STT3B: variants seen among roughly 807,000 people sequenced by gnomAD.
The protein encoded by STT3B is STT3 oligosaccharyltransferase complex catalytic subunit B, also known as dolichyl-diphosphooligosaccharide--protein glycosyltransferase subunit STT3B.
STT3B carries 29 observed loss-of-function variants against 96.8 expected under a neutral mutation model. That is an observed-to-expected ratio of 0.30 (90% CI 0.22 to 0.41). STT3B has a LOEUF of 0.41. Among genes scored for constraint, STT3B ranks in the 10% least tolerant of loss-of-function variants. The pLI is 1.00. For synonymous variants in STT3B, 367 were observed against 360.0 expected, an observed-to-expected ratio of 1.02 and a Z score of -0.22; for missense variants, 640 against 1,022.3, an observed-to-expected ratio of 0.63 and a Z score of 5.10.
chr3:31,562,312 G>A (rs1697899690), intron 1 of STT3B, among the ~76,000 whole-genome samples: 1 of 152,192 alleles, frequency 6.6e-6, no homozygotes, highest in Non-Finnish European at 1.5e-5. Context: ...ACCTGCAGGT[G>A]ATGCATGAGT....
At chr3:31,559,855 A>G (rs994322250) in intron 1 of STT3B, among the ~76,000 whole-genome samples, 3 of 152,032 alleles carry the variant, frequency 2.0e-5, no homozygotes, top group Non-Finnish European at 4.4e-5. Context: ...TTTGCTTTAT[A>G]TATCTGGGTG....
chr3:31,600,357 T>C lies in STT3B; in HGVS notation c.778-3T>C, dbSNP rs200307794. 2.9e-5 allele frequency: 41 copies of C among 1,430,756 alleles called. No homozygotes were observed. The highest frequency in any genetic ancestry group is 2.0e-4 in the Middle Eastern group (1 of 5,006). 88.6% of individuals were successfully genotyped at this position (1,430,756 alleles called of 1,614,324 possible). On this transcript the variant is annotated splice_polypyrimidine_tract_variant and splice_region_variant and intron_variant, in intron 4 of 15. Coordinates refer to ENST00000295770, the MANE Select transcript of STT3B (RefSeq NM_178862.3). ...ATTTAACTTAGCACTTCTTTTCCTA[T>C]AGGTCTCTGCTTGGGGTGGTTATGT...
chr3:31,546,938 GT>G (rs986413343), intron 1 of STT3B, among the ~76,000 whole-genome samples: 2 of 152,146 alleles, frequency 1.3e-5, no homozygotes, highest in Non-Finnish European at 2.9e-5. Flanking sequence ...TGACATTTTT[GT>G]TACAAAGAAT....
At chr3:31,534,292 C>A (rs1697028539) in intron 1 of STT3B, among the ~76,000 whole-genome samples, 1 of 152,192 alleles carries the variant, frequency 6.6e-6, no homozygotes. Context: ...AATTACCCCA[C>A]TCTTAACAAC....
intron 1 of STT3B, among the ~76,000 whole-genome samples, chr3:31,545,171 G>T (rs115923091): frequency 0.025 from 3,764 of 152,272 alleles, 63 homozygotes; most frequent in Non-Finnish European, 0.037. Flanking sequence ...CATAAGTCAT[G>T]AGTTTGAGGA....
intron 4 of STT3B, among the ~76,000 whole-genome samples, chr3:31,599,431 A>G (rs936856277): frequency 6.6e-5 from 10 of 152,232 alleles, no homozygotes; most frequent in African/African-American, 1.2e-4. Context: ...CTCCATTAGA[A>G]TAACATTGTT....
At chr3:31,548,533 T>G (rs1697471661) in intron 1 of STT3B, among the ~76,000 whole-genome samples, 2 of 152,174 alleles carry the variant, frequency 1.3e-5, no homozygotes, top group South Asian at 4.1e-4. Context: ...GTTTAATGCA[T>G]GTTATTATTT....
At chr3:31,570,996 T>A (rs1299071676) in intron 1 of STT3B, among the ~76,000 whole-genome samples, 1 of 152,122 alleles carries the variant, frequency 6.6e-6, no homozygotes, top group Non-Finnish European at 1.5e-5. Context: ...TTGCTGTAAC[T>A]GGGCAGTCCA....
At chr3:31,552,899 C>G (rs1021889601) in intron 1 of STT3B, among the ~76,000 whole-genome samples, 1 of 151,836 alleles carries the variant, frequency 6.6e-6, no homozygotes, top group Non-Finnish European at 1.5e-5. Context: ...GTCAGGAGAT[C>G]GAGACCATCC....
intron 1 of STT3B, among the ~76,000 whole-genome samples, chr3:31,542,792 T>A (rs186334427): frequency 4.6e-5 from 7 of 152,118 alleles, no homozygotes; most frequent in Admixed American, 2.0e-4. Flanking sequence ...CCAGGCTGGC[T>A]GGGTGTGGTG....
chr3:31,607,825 C>T (rs1034629633), intron 5 of STT3B, among the ~76,000 whole-genome samples: 1 of 151,962 alleles, frequency 6.6e-6, no homozygotes, highest in African/African-American at 2.4e-5. Flanking sequence ...GTCTCGAACT[C>T]CTGGGCTGAA....
chr3:31,536,200 C>A (rs887806004), intron 1 of STT3B, among the ~76,000 whole-genome samples: 1 of 149,226 alleles, frequency 6.7e-6, no homozygotes, highest in Non-Finnish European at 1.5e-5. Flanking sequence ...GCCATTATTA[C>A]TTTGGGCTTT....
intron 1 of STT3B, among the ~76,000 whole-genome samples, chr3:31,554,877 A>T (rs1346296447): frequency 6.6e-6 from 1 of 152,064 alleles, no homozygotes; most frequent in East Asian, 1.9e-4. Context: ...GTCAACAAGA[A>T]TTTATTCTAT....
intron 5 of STT3B, among the ~76,000 whole-genome samples, chr3:31,601,396 C>G (rs975662477): frequency 6.6e-6 from 1 of 152,124 alleles, no homozygotes; most frequent in Non-Finnish European, 1.5e-5. Context: ...CTGATATATG[C>G]TACAACATGA....
intron 4 of STT3B, among the ~76,000 whole-genome samples, chr3:31,598,763 T>G (rs554617597): frequency 8.5e-5 from 13 of 152,262 alleles, no homozygotes; most frequent in African/African-American, 3.1e-4. Flanking sequence ...CCTAGAGTCA[T>G]TACCGAAATA....
At chr3:31,623,485 A>G (rs926096370) in intron 10 of STT3B, among the ~76,000 whole-genome samples, 189 bp from the exon 11 acceptor site, 5 of 152,206 alleles carry the variant, frequency 3.3e-5, no homozygotes, top group African/African-American at 1.2e-4. Context: ...GTATATTCCC[A>G]GGAAACCTTA....
intron 3 of STT3B, among the ~76,000 whole-genome samples, chr3:31,583,081 A>G (rs997954005): frequency 6.6e-5 from 10 of 152,120 alleles, no homozygotes; most frequent in Non-Finnish European, 4.4e-5. Context: ...GTTAAGTTCT[A>G]TATCATCTCC....
At chr3:31,599,399 A>C (rs1272693943) in intron 4 of STT3B, among the ~76,000 whole-genome samples, 3 of 152,220 alleles carry the variant, frequency 2.0e-5, no homozygotes, top group Non-Finnish European at 4.4e-5. Flanking sequence ...AGTAATCAGA[A>C]GTCTTTCAGA....
At chr3:31,572,031 AAT>A (rs1466177185) in intron 1 of STT3B, among the ~76,000 whole-genome samples, 1 of 46,300 alleles carries the variant, frequency 2.2e-5, no homozygotes, top group South Asian at 1.1e-3. Flanking sequence ...AATATATATT[AAT>A]ATATGATATA....
Sources: gnomAD v4.1 joint callset for allele counts (sites outside exome capture counted in the v4.1 genomes callset) on GRCh38, gnomAD v4.1.1 for gene constraint, MANE v1.5 for transcripts, NCBI Gene and HGNC (gene_info 2026-07-23, HGNC 2026-07-21) for gene names.